Variants in GRM8 observed in about 807,000 individuals in gnomAD.
The protein encoded by GRM8 is metabotropic glutamate receptor 8.
In GRM8, 47 loss-of-function variants were observed where a neutral mutation model predicts 87.2. The observed-to-expected ratio is 0.54, with a 90% CI of 0.43 to 0.69. The LOEUF is 0.69. Among genes scored for constraint, GRM8 ranks in the 30% least tolerant of loss-of-function variants. The pLI is 0.00. For missense variants in GRM8, 1,019 were observed against 1,139.2 expected (o/e 0.89, Z 1.52); for synonymous variants, 396 against 404.5 (o/e 0.98, Z 0.25).
At chr7:127,135,720 T>A (rs1439501604) in intron 2 of GRM8, among the ~76,000 whole-genome samples, 4 of 151,978 alleles carry the variant, frequency 2.6e-5, no homozygotes, top group Admixed American at 2.6e-4. Flanking sequence ...GAGATTATAT[T>A]TACATTCGCC....
chr7:127,019,086 T>G (rs994003154), intron 3 of GRM8, among the ~76,000 whole-genome samples: 1 of 151,990 alleles, frequency 6.6e-6, no homozygotes, highest in Non-Finnish European at 1.5e-5. Flanking sequence ...GGATGACATA[T>G]ACAGAAACAA....
At chr7:127,162,807 T>C (rs1447411484) in intron 2 of GRM8, among the ~76,000 whole-genome samples, 1 of 152,204 alleles carries the variant, frequency 6.6e-6, no homozygotes, top group Non-Finnish European at 1.5e-5. Context: ...CCCTATGCCA[T>C]GATTTATCAA....
At chr7:126,654,530 T>C (rs960170465) in intron 7 of GRM8, among the ~76,000 whole-genome samples, 18 of 152,328 alleles carry the variant, frequency 1.2e-4, no homozygotes, top group African/African-American at 4.1e-4. Flanking sequence ...CTAGCCCGAA[T>C]GAATTGTACC....
intron 6 of GRM8, among the ~76,000 whole-genome samples, chr7:126,874,731 T>G (rs1156457729): frequency 3.9e-5 from 6 of 152,106 alleles, no homozygotes; most frequent in African/African-American, 1.4e-4. Flanking sequence ...TCAGTAAGCT[T>G]CTCTAGGCCA....
At chr7:127,100,066 T>C (rs977054052) in intron 3 of GRM8, among the ~76,000 whole-genome samples, 7 of 152,128 alleles carry the variant, frequency 4.6e-5, no homozygotes, top group East Asian at 1.9e-4. Flanking sequence ...CAGAAGCTAA[T>C]AGAGGCAAGG....
chr7:127,203,340 C>G (rs1795715469), intron 2 of GRM8, among the ~76,000 whole-genome samples: 1 of 152,128 alleles, frequency 6.6e-6, no homozygotes, highest in African/African-American at 2.4e-5. Flanking sequence ...ACCTGGATAA[C>G]AGATTCAATC....
rs190528178 is a variant in GRM8 at position 127,025,992 on chromosome 7, C to T, written c.727+80504G>A. 7.5e-4 allele frequency among the ~76,000 whole-genome samples: 114 copies of T among 152,148 alleles called. 1 individual carries two copies. Among genetic ancestry groups the T allele is most frequent in the African/African-American group, 2.6e-3 (109 of 41,512 alleles). On this transcript the variant is annotated intron_variant, in intron 3 of 10. Coordinates refer to ENST00000339582, the MANE Select transcript of GRM8 (RefSeq NM_000845.3). Reference sequence around the variant, plus strand: ...CATTAGGTATTTCTCCTAATGTTATCCCTCCCCCAGCCCCCTGCCCCCTGA... The same window carrying T: ...CATTAGGTATTTCTCCTAATGTTATTCCTCCCCCAGCCCCCTGCCCCCTGA...
intron 3 of GRM8, among the ~76,000 whole-genome samples, chr7:127,096,901 C>A (rs1244759224): frequency 2.6e-5 from 4 of 152,246 alleles, no homozygotes; most frequent in African/African-American, 9.6e-5. Flanking sequence ...GGTTCCCATG[C>A]GTTATCAAAG....
chr7:126,465,398 T>C (rs1804374888), intron 9 of GRM8: 1 of 151,310 alleles, frequency 6.6e-6, no homozygotes, highest in South Asian at 2.1e-4. Flanking sequence ...TTGATTAGGA[T>C]TGCATTAATG....
At chr7:126,983,826 A>G (rs1811773753) in intron 3 of GRM8, among the ~76,000 whole-genome samples, 1 of 152,176 alleles carries the variant, frequency 6.6e-6, no homozygotes, top group South Asian at 2.1e-4. Flanking sequence ...CAGGAAAAAA[A>G]CCCACGGCCT....
chr7:127,024,926 T>C (rs1294648598), intron 3 of GRM8, among the ~76,000 whole-genome samples: 1 of 152,068 alleles, frequency 6.6e-6, no homozygotes. Flanking sequence ...CCATTTTATT[T>C]CCTTCACTTC....
intron 2 of GRM8, among the ~76,000 whole-genome samples, chr7:127,233,205 G>A (rs747260187): frequency 1.3e-5 from 2 of 152,110 alleles, no homozygotes; most frequent in Non-Finnish European, 2.9e-5. Flanking sequence ...CAGTTAACAA[G>A]CATTAGGTCA....
intron 6 of GRM8, among the ~76,000 whole-genome samples, chr7:126,804,491 C>G (rs1792448613): frequency 6.6e-6 from 1 of 152,226 alleles, no homozygotes; most frequent in African/African-American, 2.4e-5. Flanking sequence ...GCAGAACTTT[C>G]TGTGTGAAAA....
At chr7:126,577,967 C>G (rs550419403) in intron 8 of GRM8, among the ~76,000 whole-genome samples, 19 of 152,142 alleles carry the variant, frequency 1.2e-4, no homozygotes, top group Non-Finnish European at 4.4e-5. Flanking sequence ...ATCTCCTAAT[C>G]TATTCATTTC....
In GRM8 at chr7:126,474,530, C is replaced by T. The variant is rs191413306; in HGVS notation, c.2431-28158G>A. On this transcript the variant is annotated intron_variant, in intron 9 of 10. Transcript: ENST00000339582. Reference sequence around the variant, plus strand: ...ATAATCTGCCTGGGATCCCAAAGAGCTGGGATTATGGGCAAGAGCCACCAT... The same window carrying T: ...ATAATCTGCCTGGGATCCCAAAGAGTTGGGATTATGGGCAAGAGCCACCAT... 1.2e-4 allele frequency among the ~76,000 whole-genome samples: 18 copies of T among 152,266 alleles called. No individual in the cohort carries two copies. In the East Asian group the frequency reaches 3.5e-3, roughly 30 times the overall value.
At chr7:126,783,329 A>G (rs1005106699) in intron 6 of GRM8, among the ~76,000 whole-genome samples, 1 of 152,188 alleles carries the variant, frequency 6.6e-6, no homozygotes, top group Admixed American at 6.6e-5. Context: ...CTCAAGAAGG[A>G]TGTATAAGTA....
chr7:127,232,235 GAGAGAC>G (rs1469700581), intron 2 of GRM8, among the ~76,000 whole-genome samples: 1 of 149,738 alleles, frequency 6.7e-6, no homozygotes, highest in Non-Finnish European at 1.5e-5. Flanking sequence ...GAGAGAGAGA[GAGAGAC>G]AGACAGACAG....
At chr7:126,778,867 C>CTAGAA (rs1279549122) in intron 6 of GRM8, among the ~76,000 whole-genome samples, 2 of 151,546 alleles carry the variant, frequency 1.3e-5, no homozygotes, top group African/African-American at 4.9e-5. Flanking sequence ...AAAAGTAATA[C>CTAGAA]ATATTAATAC....
At chr7:127,035,361 A>G (rs539215678) in intron 3 of GRM8, among the ~76,000 whole-genome samples, 23 of 152,262 alleles carry the variant, frequency 1.5e-4, no homozygotes, top group African/African-American at 4.8e-4. Flanking sequence ...CGATTTCGTG[A>G]AACATTTACT....
Sources: gnomAD v4.1 joint callset for allele counts (sites outside exome capture counted in the v4.1 genomes callset) on GRCh38, gnomAD v4.1.1 for gene constraint, MANE v1.5 for transcripts, NCBI Gene and HGNC (gene_info 2026-07-23, HGNC 2026-07-21) for gene names.